Variants in GRM8 observed in about 807,000 individuals in gnomAD.
GRM8 encodes glutamate metabotropic receptor 8, also known as metabotropic glutamate receptor 8.
A neutral mutation model predicts 87.2 loss-of-function variants in GRM8; 47 were observed. The ratio of observed to expected loss-of-function variants is 0.54; its 90% CI spans 0.43 to 0.69. GRM8 has a LOEUF of 0.69. Ranked by LOEUF, GRM8 falls within the 30% of genes least tolerant of loss-of-function variation. GRM8 has a pLI of 0.00. For missense variants in GRM8, 1,019 were observed against 1,139.2 expected, an observed-to-expected ratio of 0.89 and a Z score of 1.52; for synonymous variants, 396 against 404.5, an observed-to-expected ratio of 0.98 and a Z score of 0.25.
At chr7:127,224,860 C>A (rs1006926491) in intron 2 of GRM8, among the ~76,000 whole-genome samples, 1 of 152,120 alleles carries the variant, frequency 6.6e-6, no homozygotes, top group Non-Finnish European at 1.5e-5. Flanking sequence ...AGCAATCTGC[C>A]CGCCTTGGCC....
chr7:126,897,142 A>G (rs995395740), intron 6 of GRM8, among the ~76,000 whole-genome samples: 4 of 152,174 alleles, frequency 2.6e-5, no homozygotes, highest in African/African-American at 9.7e-5. Flanking sequence ...GCTATTTATA[A>G]TTCGTGATGG....
At chr7:127,100,781 C>T (rs544768649) in intron 3 of GRM8, among the ~76,000 whole-genome samples, 18 of 152,242 alleles carry the variant, frequency 1.2e-4, no homozygotes, top group East Asian at 3.9e-4. Flanking sequence ...ACTTGACACA[C>T]GGGGATTATT....
chr7:126,809,529 T>G (rs6946530), intron 6 of GRM8, among the ~76,000 whole-genome samples: 15,168 of 152,052 alleles, frequency 0.1, 2,476 homozygotes, highest in African/African-American at 0.34. Flanking sequence ...TCAAAGACCT[T>G]CCCATACTCT....
In GRM8 at chr7:126,766,606, T is replaced by A. The variant is rs542849982; in HGVS notation, c.1357+3259A>T. On this transcript the variant is annotated intron_variant, in intron 7 of 10. Coordinates refer to ENST00000339582, the MANE Select transcript of GRM8 (RefSeq NM_000845.3). ...AAACTTGGCAGTTGCCTTATAAAGC[T>A]CATTCTTTGACAACTGGCAATAGCT... Among the ~76,000 whole-genome samples the A allele has an allele frequency of 2.3e-4, 35 of 152,226 alleles. 1 individual carries two copies. The South Asian group carries it at 4.8e-3, about 21-fold the overall frequency.
chr7:126,929,292 C>T (rs879806688), intron 3 of GRM8, among the ~76,000 whole-genome samples: 3 of 152,226 alleles, frequency 2.0e-5, no homozygotes, highest in Non-Finnish European at 4.4e-5. Flanking sequence ...TAGTGCTAGC[C>T]AGTGGAACTT....
chr7:126,784,247 T>A (rs1315985189), intron 6 of GRM8, among the ~76,000 whole-genome samples: 1 of 152,154 alleles, frequency 6.6e-6, no homozygotes, highest in Admixed American at 6.6e-5. Flanking sequence ...ATTATTACCC[T>A]TGTGTACAAA....
chr7:127,230,425 C>T (rs1797612016), intron 2 of GRM8, among the ~76,000 whole-genome samples: 1 of 152,074 alleles, frequency 6.6e-6, no homozygotes, highest in South Asian at 2.1e-4. Context: ...CACAGGATTC[C>T]CAGTCTTGGA....
rs368194397 is a variant in GRM8, at chr7:127,243,151, G to A, written c.54C>T (p.Thr18=). Residue 18 remains threonine, a synonymous_variant, in exon 2 of 11, where the codon ACC becomes ACT. Transcript: ENST00000339582. ...TTGTGAGGATCCAGTAGAACTTGGC[G>A]GTCAAGAGGAAGAAACAAGGGCAAG... ...SASCPCFFLL[T]AKFYWILTMM... The A allele has an allele frequency of 2.9e-5, 47 of 1,613,360 alleles. No homozygotes were observed. The highest frequency in any genetic ancestry group is 2.5e-4 in the Admixed American group (15 of 59,992).
chr7:126,491,352 G>A (rs538643438), intron 9 of GRM8, among the ~76,000 whole-genome samples: 5 of 151,912 alleles, frequency 3.3e-5, no homozygotes, highest in East Asian at 1.9e-4. Flanking sequence ...AAACAAAAGC[G>A]TTTTAAAATA....
At chr7:126,633,700 A>AT (rs951111046) in intron 7 of GRM8, among the ~76,000 whole-genome samples, 2 of 152,060 alleles carry the variant, frequency 1.3e-5, no homozygotes, top group Non-Finnish European at 2.9e-5. Flanking sequence ...CAAAAATACA[A>AT]TTTTTTGTAT....
At chr7:126,618,372 T>C (rs200509850) in intron 7 of GRM8, among the ~76,000 whole-genome samples, 48,355 of 151,678 alleles carry the variant, frequency 0.32, 8,269 homozygotes, top group East Asian at 0.43. Context: ...ATACAAAAAT[T>C]AATTCAAGAT....
intron 8 of GRM8, among the ~76,000 whole-genome samples, chr7:126,582,976 G>A (rs1015581161): frequency 9.9e-5 from 15 of 152,166 alleles, no homozygotes; most frequent in African/African-American, 3.1e-4. Context: ...AGAGATCAAT[G>A]TTGTTTTCAT....
intron 3 of GRM8, among the ~76,000 whole-genome samples, chr7:127,044,014 A>G (rs1248060073): frequency 6.6e-6 from 1 of 152,138 alleles, no homozygotes; most frequent in East Asian, 1.9e-4. Flanking sequence ...TTAGGACCTA[A>G]TTTTCTCAAG....
intron 3 of GRM8, among the ~76,000 whole-genome samples, chr7:127,068,749 A>T (rs189032194): frequency 6.6e-5 from 10 of 152,296 alleles, no homozygotes; most frequent in Admixed American, 5.9e-4. Flanking sequence ...AGTAGAGATG[A>T]TTACACCACA....
At chr7:126,862,233 T>C (rs1798196945) in intron 6 of GRM8, among the ~76,000 whole-genome samples, 1 of 151,996 alleles carries the variant, frequency 6.6e-6, no homozygotes, top group Admixed American at 6.6e-5. Context: ...TCACTGATTT[T>C]TAATGCCATC....
intron 3 of GRM8, among the ~76,000 whole-genome samples, chr7:127,014,488 C>T (rs1453080860): frequency 6.6e-6 from 1 of 152,070 alleles, no homozygotes; most frequent in African/African-American, 2.4e-5. Flanking sequence ...CACTTGCTAG[C>T]TGTGTGCCTT....
intron 9 of GRM8, among the ~76,000 whole-genome samples, chr7:126,486,621 C>A (rs991585924): frequency 6.6e-6 from 1 of 152,030 alleles, no homozygotes; most frequent in African/African-American, 2.4e-5. Context: ...TAAAATCTTA[C>A]AAAATATCGA....
At chr7:126,699,871 C>CA (rs1282668029) in intron 7 of GRM8, among the ~76,000 whole-genome samples, 1 of 152,056 alleles carries the variant, frequency 6.6e-6, no homozygotes, top group Non-Finnish European at 1.5e-5. Flanking sequence ...AATACTGGCT[C>CA]AAAAGAGAAT....
chr7:127,022,038 T>C (rs142192938), intron 3 of GRM8, among the ~76,000 whole-genome samples: 1 of 152,138 alleles, frequency 6.6e-6, no homozygotes, highest in Non-Finnish European at 1.5e-5. Context: ...ACTGCTCTTA[T>C]CAGTTCTAAC....
Sources: gnomAD v4.1 joint callset for allele counts (sites outside exome capture counted in the v4.1 genomes callset) on GRCh38, gnomAD v4.1.1 for gene constraint, MANE v1.5 for transcripts, NCBI Gene and HGNC (gene_info 2026-07-23, HGNC 2026-07-21) for gene names.